The following ANKRD55 variants were observed in gnomAD, a reference collection of about 807,000 sequenced individuals.
The protein encoded by ANKRD55 is ankyrin repeat domain-containing protein 55.
A neutral mutation model predicts 60.6 loss-of-function variants in ANKRD55; 41 were observed. The observed-to-expected ratio is 0.68, with a 90% CI of 0.53 to 0.88. The LOEUF (loss-of-function observed/expected upper bound fraction) is 0.88, where lower values mean the gene tolerates loss of function less well. Among genes scored for constraint, ANKRD55 ranks in the 40% least tolerant of loss-of-function variants. The pLI is 0.00. For synonymous variants in ANKRD55, 264 were observed against 290.3 expected (o/e 0.91, Z 0.92); for missense variants, 732 against 767.6 (o/e 0.95, Z 0.55).
intron 2 of ANKRD55, among the ~76,000 whole-genome samples, chr5:56,230,905 A>G (rs1047187964): frequency 6.6e-6 from 1 of 152,336 alleles, no homozygotes; most frequent in Admixed American, 6.5e-5. Context: ...AACAGCAATA[A>G]TAATAACAGC....
chr5:56,135,206 A>T (rs1053390272), intron 7 of ANKRD55, among the ~76,000 whole-genome samples: 1 of 127,686 alleles, frequency 7.8e-6, no homozygotes, highest in Non-Finnish European at 1.7e-5. Flanking sequence ...AAAATGTCTC[A>T]CAACTTTCCT....
Position 56,131,149 on chromosome 5 carries a change from CAAAAACAACAAAA to C in ANKRD55, c.613-4056_613-4044del, listed in dbSNP as rs1182487685. ...AGAGAACACCAAGCACGATAAATGC[CAAAAACAACAAAA>C]AAAAACAACAAAACAAACAAAAAAC... On this transcript the variant is annotated intron_variant, in intron 7 of 11. Coordinates refer to ENST00000341048, the MANE Select transcript of ANKRD55 (RefSeq NM_024669.3). 5.9e-5 allele frequency among the ~76,000 whole-genome samples: 8 copies of C among 136,584 alleles called. No individual in the cohort carries two copies. The South Asian group carries it at 1.3e-3, about 21-fold the overall frequency. The allele number at this position is 136,584 out of a possible 152,430, so 89.6% of individuals were successfully genotyped here.
chr5:56,166,658 A>C (rs1172554397), intron 5 of ANKRD55, among the ~76,000 whole-genome samples: 1 of 152,222 alleles, frequency 6.6e-6, no homozygotes, highest in Non-Finnish European at 1.5e-5. Context: ...AGGAAAAAAA[A>C]AGACATGATC....
intron 7 of ANKRD55, among the ~76,000 whole-genome samples, chr5:56,132,648 C>T (rs1333975214): frequency 1.3e-5 from 2 of 149,702 alleles, no homozygotes; most frequent in East Asian, 3.9e-4. Flanking sequence ...CAAATATGAT[C>T]GATGTTACTC....
At chr5:56,171,035 T>G (rs949164064) in intron 4 of ANKRD55, among the ~76,000 whole-genome samples, 8 of 152,226 alleles carry the variant, frequency 5.3e-5, no homozygotes, top group African/African-American at 1.9e-4. Flanking sequence ...AGATGCAGAC[T>G]GACCTTAGAA....
intron 2 of ANKRD55, among the ~76,000 whole-genome samples, chr5:56,215,666 G>A (rs1454743517): frequency 6.6e-6 from 1 of 152,230 alleles, no homozygotes; most frequent in Non-Finnish European, 1.5e-5. Context: ...GGGGTCAGAA[G>A]CCTGAGTTAA....
At chr5:56,114,398 C>A (rs1756828789) in intron 9 of ANKRD55, 1 of 152,382 alleles carries the variant, frequency 6.6e-6, no homozygotes, top group African/African-American at 2.4e-5. Flanking sequence ...AAATAACTGA[C>A]AGTTATTGTA....
At chr5:56,143,572 G>C (rs903662923) in intron 7 of ANKRD55, among the ~76,000 whole-genome samples, 7 of 152,230 alleles carry the variant, frequency 4.6e-5, no homozygotes, top group African/African-American at 1.4e-4. Flanking sequence ...GAGAGAAACA[G>C]AGAGAATGAG....
chr5:56,102,268 T>C (rs530042675), intron 11 of ANKRD55, among the ~76,000 whole-genome samples: 202 of 152,094 alleles, frequency 1.3e-3, no homozygotes, highest in African/African-American at 4.5e-3. Flanking sequence ...CAGGCGCCTG[T>C]AATCCCAGCT....
rs1416184866 is a variant in ANKRD55, at chr5:56,099,710, T to A, written c.*473A>T. 1 of 153,420 alleles carries A rather than the reference T, an allele frequency of 6.5e-6. No homozygotes were observed. Among genetic ancestry groups the A allele is most frequent in the Admixed American group, 6.5e-5 (1 of 15,428 alleles). 9.5% of individuals were successfully genotyped at this position (153,420 alleles called of 1,614,324 possible). A position where few individuals can be genotyped will look rare whatever the true frequency, so the allele number is the denominator to read the frequency against. The stretch of plus-strand genomic sequence containing the variant: ...CTGATCATAGGAATTTATTTTTAAA[T>A]AGGTTTCATTAGTTCAAGTTAGAAT... On this transcript the variant is annotated 3_prime_UTR_variant, in exon 12 of 12. Transcript: ENST00000341048.
intron 2 of ANKRD55, among the ~76,000 whole-genome samples, chr5:56,225,345 G>A (rs1760083189): frequency 6.6e-6 from 1 of 152,124 alleles, no homozygotes; most frequent in Admixed American, 6.5e-5. Flanking sequence ...AAAAAAATAA[G>A]AGCTATTTAT....
chr5:56,126,260 G>C (rs1757253419), intron 8 of ANKRD55, among the ~76,000 whole-genome samples: 1 of 152,170 alleles, frequency 6.6e-6, no homozygotes, highest in African/African-American at 2.4e-5. Flanking sequence ...TGATAGTCTT[G>C]TTTGTTGTTA....
intron 6 of ANKRD55, chr5:56,156,927 C>G (rs566774155): frequency 6.6e-6 from 1 of 152,322 alleles, no homozygotes; most frequent in Non-Finnish European, 1.5e-5. Flanking sequence ...ATGGGTGGAC[C>G]GGGCGCAGTG....
chr5:56,183,595 T>C lies in ANKRD55; in HGVS notation c.98A>G (p.Gln33Arg), dbSNP rs1758900486. 1 of 1,614,098 alleles carries C rather than the reference T, an allele frequency of 6.2e-7. No individual in the cohort carries two copies. Among genetic ancestry groups the C allele is most frequent in the Non-Finnish European group, 8.5e-7 (1 of 1,180,044 alleles). Reference sequence around the variant, plus strand: ...ATTGACATCTCCATTAGAGGCTGCTTGATAAACCATGGTCAGGTCAACTTC... The same window carrying C: ...ATTGACATCTCCATTAGAGGCTGCTCGATAAACCATGGTCAGGTCAACTTC... ...SEEVDLTMVY[Q>R]AASNGDVNAL... The change falls in exon 3 of 12, where the codon CAA becomes CGA. Residue 33 changes from glutamine (Q) to arginine (R), a missense_variant. By Grantham distance (43) the Gln-to-Arg change is conservative. Transcript: ENST00000341048.
In ANKRD55 at chr5:56,116,726, A is replaced by G. The variant is rs931062972; in HGVS notation, c.854T>C (p.Leu285Pro). The change falls in exon 9 of 12, where the codon CTG (leucine) becomes CCG (proline). Residue 285 changes from leucine to proline, a missense_variant. Coordinates refer to ENST00000341048, the MANE Select transcript of ANKRD55 (RefSeq NM_024669.3). Reference protein sequence around the residue: ...AGKAECVQSLLELGMDSNLRD... With the variant: ...AGKAECVQSLPELGMDSNLRD... ...CAGGTTGCTGTCCATTCCCAACTCC[A>G]GCAGTGACTGGACACATTCGGCCTT... The G allele has an allele frequency of 6.2e-7, 1 of 1,613,830 alleles. No individual in the cohort carries two copies. The highest frequency in any genetic ancestry group is 8.5e-7 in the Non-Finnish European group (1 of 1,179,906).
In ANKRD55 at chr5:56,111,203, C is replaced by T; in HGVS notation, c.1545G>A (p.Leu515=). ...KVWTVSSSDK[L]LDRLLSVRPG... is the part of the protein sequence containing the mutation. Reference sequence around the variant, plus strand: ...GCCGGACACTGAGCAATCTGTCCAGCAGCTTATCAGAAGAAGACACAGTCC... The same window carrying T: ...GCCGGACACTGAGCAATCTGTCCAGTAGCTTATCAGAAGAAGACACAGTCC... The change falls in exon 10 of 12, where the codon CTG becomes CTA. Residue 515 remains leucine (L), a synonymous_variant. Coordinates refer to ENST00000341048, the MANE Select transcript of ANKRD55 (RefSeq NM_024669.3). The T allele has an allele frequency of 6.2e-7, 1 of 1,614,186 alleles. No individual in the cohort carries two copies. Among genetic ancestry groups the T allele is most frequent in the East Asian group, 2.2e-5 (1 of 44,888 alleles).
chr5:56,154,590 T>TG (rs1247339412), intron 6 of ANKRD55, among the ~76,000 whole-genome samples: 4 of 150,496 alleles, frequency 2.7e-5, no homozygotes, highest in East Asian at 1.9e-4. Context: ...TAAAGTTTTT[T>TG]TTTTTTTTTT....
chr5:56,178,318 G>A (rs1245159885), intron 3 of ANKRD55, among the ~76,000 whole-genome samples: 1 of 151,324 alleles, frequency 6.6e-6, no homozygotes, highest in African/African-American at 2.4e-5. Flanking sequence ...ATGTCTCAAC[G>A]TACGGGGATT....
intron 2 of ANKRD55, among the ~76,000 whole-genome samples, chr5:56,217,612 C>T (rs1759845490): frequency 6.6e-6 from 1 of 152,072 alleles, no homozygotes; most frequent in Non-Finnish European, 1.5e-5. Context: ...CCCTTAAAAA[C>T]ATTCATGATT....
Sources: allele counts gnomAD v4.1 joint callset (sites outside exome capture counted in the v4.1 genomes callset), GRCh38; gene constraint gnomAD v4.1.1; transcripts MANE v1.5; gene names NCBI Gene and HGNC (gene_info 2026-07-23, HGNC 2026-07-21).